RNASEH2B: variants seen among roughly 807,000 people sequenced by gnomAD.
RNASEH2B encodes Aicardi-Goutieres syndrome 2 protein.
A neutral mutation model predicts 45.0 loss-of-function variants in RNASEH2B; 36 were observed. The ratio of observed to expected loss-of-function variants is 0.80; its 90% confidence interval spans 0.61 to 1.06. The LOEUF is 1.06. RNASEH2B is among the 50% of genes least tolerant of loss of function. The pLI, the probability that RNASEH2B is intolerant of heterozygous loss-of-function variation, is 0.00. For missense variants in RNASEH2B, 361 were observed against 360.3 expected (o/e 1.00, Z -0.02); for synonymous variants, 119 against 125.7 (o/e 0.95, Z 0.35).
chr13:50,965,814 G>A (rs1398564139), intron 9 of RNASEH2B, among the ~76,000 whole-genome samples: 1 of 152,172 alleles, frequency 6.6e-6, no homozygotes, highest in Admixed American at 6.5e-5. Context: ...GCACTTACTG[G>A]AGTCATTTTA....
Position 50,930,336 on chromosome 13 carries a change from G to A in RNASEH2B, c.245-347G>A, listed in dbSNP as rs146571071. 9.2e-4 allele frequency among the ~76,000 whole-genome samples: 140 copies of A among 152,300 alleles called. 1 individual carries two copies. The East Asian group carries it at 0.012, about 13-fold the overall frequency. ...ACGATACAGGTTCCCTAACATTGCC[G>A]TCTTCTCATTCTGTCTGTGCTTCCT... On this transcript the variant is annotated intron_variant, in intron 3 of 10. Coordinates refer to ENST00000336617, the MANE Select transcript of RNASEH2B (RefSeq NM_024570.4).
chr13:50,936,548 A>G (rs544411415), intron 5 of RNASEH2B: 1 of 152,350 alleles, frequency 6.6e-6, no homozygotes, highest in South Asian at 2.1e-4. Flanking sequence ...GTTCCATTAA[A>G]GACATTCCCT....
At chr13:50,921,888 C>T (rs1951528394) in intron 1 of RNASEH2B, among the ~76,000 whole-genome samples, 1 of 152,218 alleles carries the variant, frequency 6.6e-6, no homozygotes, top group Non-Finnish European at 1.5e-5. Flanking sequence ...CATTTCCTCT[C>T]CTCAGCTCTG....
chr13:50,927,470 C>A lies in RNASEH2B; in HGVS notation c.128C>A (p.Pro43His), dbSNP rs79564863. The change falls in exon 2 of 11, where the codon CCC becomes CAC. Residue 43 changes from proline (P) to histidine (H), a missense_variant. By Grantham distance (77) the Pro-to-His change is moderately conservative. Coordinates refer to ENST00000336617, the MANE Select transcript of RNASEH2B (RefSeq NM_024570.4). Reference sequence around the variant, plus strand: ...CTAATGTTTGTAAAACTGGTTAACCCCTGTTCAGGTAAGTTCTCTTCTCAT... The same window carrying A: ...CTAATGTTTGTAAAACTGGTTAACCACTGTTCAGGTAAGTTCTCTTCTCAT... ...NGLMFVKLVN[P>H]CSGEGAIYLF... 6 of 1,594,218 alleles carry A rather than the reference C, an allele frequency of 3.8e-6. No individual in the cohort carries two copies. Among genetic ancestry groups the A allele is most frequent in the South Asian group, 1.1e-5 (1 of 90,688 alleles).
intron 5 of RNASEH2B, chr13:50,937,902 T>G (rs1398517803): frequency 1.3e-5 from 2 of 152,212 alleles, no homozygotes; most frequent in Non-Finnish European, 2.9e-5. Flanking sequence ...GGATGCCTGC[T>G]CTTACCACTT....
Position 50,946,914 on chromosome 13 carries a change from A to C in RNASEH2B, c.617-1073A>C, listed in dbSNP as rs868798804. 2.0e-4 allele frequency among the ~76,000 whole-genome samples: 30 copies of C among 152,292 alleles called. No individual in the cohort carries two copies. The Middle Eastern group carries it at 0.01, about 52-fold the overall frequency. Reference sequence around the variant, plus strand: ...TCTAGTCATGACTCATTGGATAATGACTATCCCAGATCCATGAGCAATTTT... The same window carrying C: ...TCTAGTCATGACTCATTGGATAATGCCTATCCCAGATCCATGAGCAATTTT... On this transcript the variant is annotated intron_variant, in intron 7 of 10. Transcript: ENST00000336617.
chr13:50,952,314 G>C (rs1951985875), intron 9 of RNASEH2B: 1 of 152,184 alleles, frequency 6.6e-6, no homozygotes, highest in Admixed American at 6.5e-5. Flanking sequence ...ATTATTAGCT[G>C]TGAGTTTCAC....
chr13:50,933,576 C>T (rs1951709598), intron 4 of RNASEH2B, among the ~76,000 whole-genome samples: 1 of 152,128 alleles, frequency 6.6e-6, no homozygotes, highest in Non-Finnish European at 1.5e-5. Context: ...TTTATTTTAA[C>T]ATCAGTAAAA....
chr13:50,954,423 TG>T (rs1299848688), intron 10 of RNASEH2B: 1 of 238,224 alleles, frequency 4.2e-6, no homozygotes, highest in Non-Finnish European at 8.1e-6. Flanking sequence ...AATACATATG[TG>T]GCCTTTAACA....
At position 50,969,963 on chromosome 13, in the gene RNASEH2B, G is replaced by T. The variant is rs377006588; in HGVS notation, c.773G>T (p.Ter258LeuextTer51). 3.2e-6 allele frequency: 5 copies of T among 1,551,538 alleles called. No individual in the cohort carries two copies. The African/African-American group carries it at 4.1e-5, about 13-fold the overall frequency. Residue 258 changes from the stop codon to leucine, a stop_lost, in exon 10 of 10, where the codon TGA becomes TTA. Transcript: ENST00000422660. Reference sequence around the variant, plus strand: ...GCACAAAGACAGAAAAGGGGCAAGTGATGGTGGTGGCTCCACGCAAGGCTT... The same window carrying T: ...GCACAAAGACAGAAAAGGGGCAAGTTATGGTGGTGGCTCCACGCAAGGCTT...
intron 9 of RNASEH2B, among the ~76,000 whole-genome samples, chr13:50,963,662 C>G (rs1422038834): frequency 6.6e-6 from 1 of 151,974 alleles, no homozygotes; most frequent in African/African-American, 2.4e-5. Context: ...CTCTCTTTTA[C>G]TTTATTTTGA....
At chr13:50,929,447 C>A in intron 2 of RNASEH2B, 28 bp from the exon 3 acceptor site, 1 of 1,451,120 alleles carries the variant, frequency 6.9e-7, no homozygotes, top group Non-Finnish European at 9.7e-7. Context: ...TGAAAACTTA[C>A]AAATAAAAGA....
rs148163669 is a variant in RNASEH2B, at chr13:50,915,773, G to A, written c.64+5633G>A. On this transcript the variant is annotated intron_variant, in intron 1 of 10. Coordinates refer to ENST00000336617, the MANE Select transcript of RNASEH2B (RefSeq NM_024570.4). ...TTGCTAAAGCAGAATGGGCCACCCC[G>A]TGGCAAGGGGATGTAAGGGATTTGG... Among the ~76,000 whole-genome samples the A allele has an allele frequency of 1.3e-3, 200 of 152,312 alleles. 2 individuals carry two copies. Among genetic ancestry groups the A allele is most frequent in the Admixed American group, 2.0e-3 (30 of 15,308 alleles).
In RNASEH2B at chr13:50,910,011, T is replaced by TCGGCGGGGCTGGGAGACTGAGGC. The variant is rs1879246573; in HGVS notation, c.-64_-42dup. On this transcript the variant is annotated 5_prime_UTR_variant, in exon 1 of 11. Transcript: ENST00000336617. ...GGAACAGACCCTTCTCCCGCCATTT[T>TCGGCGGGGCTGGGAGACTGAGGC]CGGCGGGGCTGGGAGACTGAGGCCC... is the stretch of plus-strand genomic sequence containing the variant. The TCGGCGGGGCTGGGAGACTGAGGC allele has an allele frequency of 7.3e-7, 1 of 1,372,258 alleles. No homozygotes were observed. The highest frequency in any genetic ancestry group is 2.5e-5 in the Admixed American group (1 of 39,464). 85.0% of individuals were successfully genotyped at this position (1,372,258 alleles called of 1,614,324 possible). A position where few individuals can be genotyped will look rare whatever the true frequency, so the allele number is the denominator to read the frequency against.
At chr13:50,929,781 T>TA (rs941269559) in intron 3 of RNASEH2B, among the ~76,000 whole-genome samples, 199 bp downstream of exon 3, 2 of 152,156 alleles carry the variant, frequency 1.3e-5, no homozygotes, top group African/African-American at 4.8e-5. Context: ...CTGTGTGTCT[T>TA]AGACGGTAGG....
chr13:50,950,455 CA>C (rs202193335), intron 9 of RNASEH2B: 2 of 150,518 alleles, frequency 1.3e-5, no homozygotes, highest in Non-Finnish European at 3.0e-5. Context: ...AGCATGTTGT[CA>C]AAAAAAAATG....
intron 1 of RNASEH2B, among the ~76,000 whole-genome samples, chr13:50,924,646 C>T (rs1432600303): frequency 2.6e-5 from 4 of 152,162 alleles, no homozygotes; most frequent in African/African-American, 7.2e-5. Flanking sequence ...GCAGCTTTAA[C>T]TTCCTGGGCT....
chr13:50,953,890 G>T lies in RNASEH2B; in HGVS notation c.742-15G>T, dbSNP rs2138019958. 1 of 1,552,374 alleles carries T rather than the reference G, an allele frequency of 6.4e-7. No individual in the cohort carries two copies. Among genetic ancestry groups the T allele is most frequent in the South Asian group, 1.1e-5 (1 of 89,670 alleles). On this transcript the variant is annotated splice_polypyrimidine_tract_variant and intron_variant, in intron 9 of 10. Coordinates refer to ENST00000336617, the MANE Select transcript of RNASEH2B (RefSeq NM_024570.4). ...AAGTGACATTTGACACCACTTCACTGCTCTAATGTTGCAGAAAATAAAGTT... is the reference window on the plus strand; with the variant it reads ...AAGTGACATTTGACACCACTTCACTTCTCTAATGTTGCAGAAAATAAAGTT...
At chr13:50,924,635 T>A (rs1951568685) in intron 1 of RNASEH2B, among the ~76,000 whole-genome samples, 1 of 152,174 alleles carries the variant, frequency 6.6e-6, no homozygotes, top group South Asian at 2.1e-4. Context: ...CACAGCTCAC[T>A]GCAGCTTTAA....
Sources: allele counts gnomAD v4.1 joint callset (sites outside exome capture counted in the v4.1 genomes callset), GRCh38; gene constraint gnomAD v4.1.1; transcripts MANE v1.5; gene names NCBI Gene and HGNC (gene_info 2026-07-23, HGNC 2026-07-21).